NRCAM: variants seen among roughly 807,000 people sequenced by gnomAD.
NRCAM encodes the protein neuronal cell adhesion molecule.
Under a neutral mutation model 156.5 loss-of-function variants are expected in NRCAM, and 83 were observed. The observed-to-expected ratio is 0.53, with a 90% confidence interval of 0.44 to 0.64. NRCAM has a LOEUF of 0.64. Among genes scored for constraint, NRCAM ranks in the 30% least tolerant of loss-of-function variants. The pLI, the probability that NRCAM is intolerant of heterozygous loss-of-function variation, is 0.00. For missense variants in NRCAM, 1,417 were observed against 1,597.3 expected, an observed-to-expected ratio of 0.89 and a Z score of 1.92; for synonymous variants, 538 against 563.9, an observed-to-expected ratio of 0.95 and a Z score of 0.65.
intron 1 of NRCAM, among the ~76,000 whole-genome samples, chr7:108,440,487 T>A (rs1025243144): frequency 1.3e-5 from 2 of 152,160 alleles, no homozygotes; most frequent in Non-Finnish European, 2.9e-5. Context: ...ACCAATTAAT[T>A]TACAGTAATC....
intron 1 of NRCAM, among the ~76,000 whole-genome samples, chr7:108,410,373 GAC>G (rs1793933576): frequency 6.6e-6 from 1 of 152,164 alleles, no homozygotes; most frequent in South Asian, 2.1e-4. Flanking sequence ...TTCATAGAAA[GAC>G]TAGGGGATAA....
intron 29 of NRCAM, among the ~76,000 whole-genome samples, chr7:108,167,561 A>G (rs1275068436): frequency 6.6e-6 from 1 of 152,188 alleles, no homozygotes; most frequent in East Asian, 1.9e-4. Context: ...TTCTAAAGGG[A>G]TCGTCATTTC....
chr7:108,252,376 G>A lies in NRCAM; in HGVS notation c.-106-12206C>T, dbSNP rs78787187. On this transcript the variant is annotated intron_variant, in intron 3 of 32. Coordinates refer to ENST00000379028, the MANE Select transcript of NRCAM (RefSeq NM_001037132.4). ...CCAAATTTAGGTTTCTGTCTCCTTC[G>A]AGAATTTTAAATAAGACTATTGTAG... Among the ~76,000 whole-genome samples, 135 of 152,258 alleles carry A rather than the reference G, an allele frequency of 8.9e-4. 1 individual carries two copies. Among genetic ancestry groups the A allele is most frequent in the Admixed American group, 4.0e-3 (61 of 15,294 alleles).
intron 13 of NRCAM, 93 bp downstream of exon 13, chr7:108,207,435 C>T: frequency 7.4e-7 from 1 of 1,348,146 alleles, no homozygotes; most frequent in Non-Finnish European, 1.0e-6. Context: ...CCTTCCTTAA[C>T]CTGAGTTATT....
chr7:108,344,275 C>A (rs1043238311), intron 2 of NRCAM, among the ~76,000 whole-genome samples: 3 of 152,122 alleles, frequency 2.0e-5, no homozygotes, highest in Non-Finnish European at 4.4e-5. Context: ...TTACCTCACA[C>A]CCGACCAATC....
chr7:108,172,877 T>C (rs538335598), intron 28 of NRCAM, among the ~76,000 whole-genome samples: 1 of 152,266 alleles, frequency 6.6e-6, no homozygotes, highest in South Asian at 2.1e-4. Flanking sequence ...TAAGAAAGTT[T>C]AAAAATGTAA....
intron 18 of NRCAM, 26 bp from the exon 19 acceptor site, chr7:108,191,309 T>G (rs1175770628): frequency 6.4e-7 from 1 of 1,563,564 alleles, no homozygotes; most frequent in Admixed American, 1.8e-5. Context: ...ATATAAAGGA[T>G]TTTAATCAAA....
intron 32 of NRCAM, among the ~76,000 whole-genome samples, chr7:108,151,103 G>A (rs1283227993): frequency 1.3e-5 from 2 of 151,974 alleles, no homozygotes; most frequent in African/African-American, 2.4e-5. Flanking sequence ...TGTTGAACCC[G>A]TAAGCACAAT....
intron 12 of NRCAM, among the ~76,000 whole-genome samples, chr7:108,208,447 T>C (rs983113244): frequency 6.6e-6 from 1 of 152,210 alleles, no homozygotes; most frequent in African/African-American, 2.4e-5. Flanking sequence ...CTTCCTCTAA[T>C]GTTAACATCT....
chr7:108,230,924 T>C, intron 8 of NRCAM, 107 bp downstream of exon 8: 1 of 825,272 alleles, frequency 1.2e-6, no homozygotes, highest in African/African-American at 1.8e-5. Context: ...GCTGTTTTCC[T>C]GAGCATCTCT....
At chr7:108,172,982 GATTTT>G (rs2152103894) in intron 28 of NRCAM, among the ~76,000 whole-genome samples, 1 of 108,486 alleles carries the variant, frequency 9.2e-6, no homozygotes, top group East Asian at 3.5e-4. Context: ...ATGAGATGTT[GATTTT>G]TTTTTTTTTT....
At position 108,173,730 on chromosome 7, in the gene NRCAM, G is replaced by A. The variant is rs1381746685; in HGVS notation, c.3187+1592C>T. 2.0e-5 allele frequency among the ~76,000 whole-genome samples: 3 copies of A among 152,190 alleles called. No individual in the cohort carries two copies. In the East Asian group the frequency reaches 5.8e-4, roughly 29 times the overall value. ...GATCCATCAGATTTTAATACTGGGGGCTTAATGAACTTTCAGACACTCCAT... is the reference window on the plus strand; with the variant it reads ...GATCCATCAGATTTTAATACTGGGGACTTAATGAACTTTCAGACACTCCAT... On this transcript the variant is annotated intron_variant, in intron 28 of 32. Transcript: ENST00000379028.
At chr7:108,185,882 T>C (rs1292840450) in intron 20 of NRCAM, among the ~76,000 whole-genome samples, 5 of 152,174 alleles carry the variant, frequency 3.3e-5, no homozygotes, top group East Asian at 3.9e-4. Flanking sequence ...AAAACGAAAT[T>C]ACTACAACAA....
intron 32 of NRCAM, chr7:108,150,837 GATTT>G (rs1440616613): frequency 3.0e-5 from 13 of 426,874 alleles, no homozygotes; most frequent in Admixed American, 2.0e-4. Flanking sequence ...AATGAGTAAA[GATTT>G]ATTAATCTGG....
At chr7:108,168,453 C>T in intron 28 of NRCAM, 51 bp from the exon 29 acceptor site, 4 of 1,460,220 alleles carry the variant, frequency 2.7e-6, no homozygotes, top group Non-Finnish European at 3.7e-6. Context: ...CAACACCATA[C>T]ACACGAATAT....
chr7:108,221,942 C>CAA (rs5886446), intron 11 of NRCAM, among the ~76,000 whole-genome samples: 3,008 of 143,854 alleles, frequency 0.021, 70 homozygotes, highest in African/African-American at 0.053. Context: ...ATGGTTCAAG[C>CAA]AAAAAAAAAA....
intron 20 of NRCAM, among the ~76,000 whole-genome samples, chr7:108,187,770 C>T (rs2067985785): frequency 6.6e-6 from 1 of 151,686 alleles, no homozygotes; most frequent in African/African-American, 2.4e-5. Flanking sequence ...GCTAGTACGG[C>T]AAAACCCCAT....
intron 3 of NRCAM, among the ~76,000 whole-genome samples, chr7:108,300,544 A>G (rs761099305): frequency 1.1e-4 from 16 of 152,198 alleles, no homozygotes; most frequent in Non-Finnish European, 2.2e-4. Flanking sequence ...GTTGTGTTAA[A>G]CTAGGGACAC....
intron 2 of NRCAM, among the ~76,000 whole-genome samples, chr7:108,344,965 C>T (rs2099338389): frequency 6.6e-6 from 1 of 152,114 alleles, no homozygotes; most frequent in Admixed American, 6.5e-5. Flanking sequence ...AGAAGGAAGG[C>T]TTGCTTCTGA....
Sources: gnomAD v4.1 joint callset for allele counts (sites outside exome capture counted in the v4.1 genomes callset) on GRCh38, gnomAD v4.1.1 for gene constraint, MANE v1.5 for transcripts, NCBI Gene and HGNC (gene_info 2026-07-23, HGNC 2026-07-21) for gene names.